ANKHD1: variants seen among roughly 807,000 people sequenced by gnomAD.
The protein encoded by ANKHD1 is ankyrin repeat and KH domain containing 1.
Under a neutral mutation model 230.5 loss-of-function variants are expected in ANKHD1, and 31 were observed. The ratio of observed to expected loss-of-function variants is 0.13; its 90% CI spans 0.10 to 0.18. The LOEUF (loss-of-function observed/expected upper bound fraction) is 0.18. Among genes scored for constraint, ANKHD1 ranks in the 10% least tolerant of loss-of-function variants. The pLI, the probability that ANKHD1 is intolerant of heterozygous loss-of-function variation, is 1.00. For missense variants in ANKHD1, 2,256 were observed against 3,071.3 expected (o/e 0.73, Z 6.27); for synonymous variants, 1,074 against 1,117.6 (o/e 0.96, Z 0.78).
At chr5:140,535,013 C>A (rs1044401248) in intron 29 of ANKHD1, among the ~76,000 whole-genome samples, 16 of 152,148 alleles carry the variant, frequency 1.1e-4, no homozygotes, top group African/African-American at 3.4e-4. Flanking sequence ...TTGTTGGGTG[C>A]TACTTAGTTA....
At chr5:140,520,929 T>TAAA (rs370538341) in intron 24 of ANKHD1, among the ~76,000 whole-genome samples, 5 of 112,846 alleles carry the variant, frequency 4.4e-5, no homozygotes, top group Non-Finnish European at 7.7e-5. Flanking sequence ...TAAAGTATAA[T>TAAA]AAAAAAAAAA....
intron 1 of ANKHD1, among the ~76,000 whole-genome samples, chr5:140,424,177 G>A (rs1212013281): frequency 6.6e-6 from 1 of 151,834 alleles, no homozygotes; most frequent in African/African-American, 2.4e-5. Context: ...TACTTCCACT[G>A]CTTTGGCATC....
intron 5 of ANKHD1, among the ~76,000 whole-genome samples, chr5:140,444,760 C>T (rs977255725): frequency 7.2e-5 from 11 of 152,272 alleles, no homozygotes; most frequent in African/African-American, 2.4e-4. Flanking sequence ...GTTGTACAAT[C>T]TAATTGTAGA....
intron 31 of ANKHD1, chr5:140,537,803 A>G (rs1754148201): frequency 1.1e-6 from 1 of 899,294 alleles, no homozygotes; most frequent in East Asian, 2.9e-5. Flanking sequence ...ATCAGAAACA[A>G]AAGATTCAAA....
In ANKHD1 at chr5:140,525,911, A is replaced by C. The variant is rs552951082; in HGVS notation, c.4493-85A>C. On this transcript the variant is annotated intron_variant, in intron 25 of 33. Coordinates refer to ENST00000360839, the MANE Select transcript of ANKHD1 (RefSeq NM_017747.3). ...AAAATATGATGTAAAACACTGAATT[A>C]TTATGAATTATCAAATATATTCTGT... 1.1e-4 allele frequency: 162 copies of C among 1,431,662 alleles called. 1 individual carries two copies. In the African/African-American group the frequency reaches 2.2e-3, roughly 19 times the overall value. 88.7% of individuals were successfully genotyped at this position (1,431,662 alleles called of 1,614,324 possible). A position where few individuals can be genotyped will look rare whatever the true frequency, so the allele number is the denominator to read the frequency against.
chr5:140,517,497 G>GCACCA (rs1753082588), intron 24 of ANKHD1, among the ~76,000 whole-genome samples: 1 of 144,602 alleles, frequency 6.9e-6, no homozygotes, highest in South Asian at 2.3e-4. Context: ...ATTTTTTTCA[G>GCACCA]CACCACACCA....
At chr5:140,525,791 G>A (rs1326741842) in intron 25 of ANKHD1, among the ~76,000 whole-genome samples, 1 of 149,108 alleles carries the variant, frequency 6.7e-6, no homozygotes, top group Non-Finnish European at 1.5e-5. Context: ...AGCCAATATC[G>A]CACCACTGCA....
chr5:140,443,040 G>A (rs1359670119), intron 5 of ANKHD1, among the ~76,000 whole-genome samples: 2 of 151,702 alleles, frequency 1.3e-5, no homozygotes, highest in Non-Finnish European at 2.9e-5. Context: ...CTAGTAGCTG[G>A]GACTACAGGT....
At chr5:140,459,024 ATATATT>A in intron 8 of ANKHD1, 134 bp from the exon 9 acceptor site, 1 of 159,514 alleles carries the variant, frequency 6.3e-6, no homozygotes, top group Non-Finnish European at 1.2e-5. Flanking sequence ...ATATATATAT[ATATATT>A]GCATTGATGA....
intron 7 of ANKHD1, among the ~76,000 whole-genome samples, chr5:140,450,149 T>C (rs972508908): frequency 2.6e-5 from 4 of 152,118 alleles, no homozygotes; most frequent in African/African-American, 9.7e-5. Context: ...GGCAAGAAAA[T>C]TACCTGGAAG....
intron 24 of ANKHD1, among the ~76,000 whole-genome samples, chr5:140,514,189 A>T (rs1186608711): frequency 4.3e-5 from 4 of 92,276 alleles, no homozygotes; most frequent in African/African-American, 6.8e-5. Context: ...CTCTCTATTA[A>T]AAAAAAAAAA....
chr5:140,430,053 C>G (rs1772912506), intron 1 of ANKHD1, among the ~76,000 whole-genome samples: 1 of 152,212 alleles, frequency 6.6e-6, no homozygotes, highest in South Asian at 2.1e-4. Flanking sequence ...TCCCCCTTCT[C>G]CCTTCTCCTC....
At chr5:140,464,085 A>T (rs1438157624) in intron 9 of ANKHD1, among the ~76,000 whole-genome samples, 1 of 152,074 alleles carries the variant, frequency 6.6e-6, no homozygotes, top group Non-Finnish European at 1.5e-5. Context: ...AAAATACAAA[A>T]ATTAGCCAAG....
intron 14 of ANKHD1, among the ~76,000 whole-genome samples, chr5:140,490,824 T>C (rs571055136): frequency 1.3e-5 from 2 of 152,086 alleles, no homozygotes; most frequent in Non-Finnish European, 2.9e-5. Flanking sequence ...GAGTACTTCA[T>C]TGGATCTTCC....
Position 140,539,576 on chromosome 5 carries a change from C to A in ANKHD1, c.*158C>A. ...TAAGAACAAATTGATTTCCTATCCA[C>A]CTGATTATGTTCTCTGGTTAGTTTA... On this transcript the variant is annotated 3_prime_UTR_variant, in exon 34 of 34. Coordinates refer to ENST00000360839, the MANE Select transcript of ANKHD1 (RefSeq NM_017747.3). 1 of 792,234 alleles carries A rather than the reference C, an allele frequency of 1.3e-6. No individual in the cohort carries two copies. The highest frequency in any genetic ancestry group is 1.9e-6 in the Non-Finnish European group (1 of 517,652). 49.1% of individuals were successfully genotyped at this position (792,234 alleles called of 1,614,324 possible).
Position 140,506,316 on chromosome 5 carries a change from C to T in ANKHD1, c.3408+447C>T, listed in dbSNP as rs115802327. ...GAATGTAAATGCCCTTTTTTTTTGGCGGGGGTTTGTGGAGGGAACAGGAGG... is the reference window on the plus strand; with the variant it reads ...GAATGTAAATGCCCTTTTTTTTTGGTGGGGGTTTGTGGAGGGAACAGGAGG... On this transcript the variant is annotated intron_variant, in intron 18 of 33. Coordinates refer to ENST00000360839, the MANE Select transcript of ANKHD1 (RefSeq NM_017747.3). This position sits in a 1 kb window ranked among gnomAD's most constrained non-coding sequence, Gnocchi z 4.7. Among the ~76,000 whole-genome samples, 130 of 150,334 alleles carry T rather than the reference C, an allele frequency of 8.6e-4. No individual in the cohort carries two copies. Among genetic ancestry groups the T allele is most frequent in the African/African-American group, 3.1e-3 (126 of 40,798 alleles).
chr5:140,472,343 G>A lies in ANKHD1; in HGVS notation c.1782+7567G>A, dbSNP rs778271500. ...GTAAGCTACTACGTAAAGAATAGATGTTGTAGGTAACCAGAACTCTGGATA... is the reference window on the plus strand; with the variant it reads ...GTAAGCTACTACGTAAAGAATAGATATTGTAGGTAACCAGAACTCTGGATA... On this transcript the variant is annotated intron_variant, in intron 10 of 33. Transcript: ENST00000360839. The A allele has an allele frequency of 4.4e-6, 7 of 1,604,722 alleles. No homozygotes were observed. The African/African-American group carries it at 9.4e-5, about 22-fold the overall frequency.
In ANKHD1 at chr5:140,512,916, C is replaced by T. The variant is rs1376430200; in HGVS notation, c.4193C>T (p.Thr1398Ile). 2 of 1,592,374 alleles carry T rather than the reference C, an allele frequency of 1.3e-6. No homozygotes were observed. Among genetic ancestry groups the T allele is most frequent in the Non-Finnish European group, 1.7e-6 (2 of 1,173,096 alleles). ...TGCATGAGATACATAGCAACAATTA[C>T]AGATAAGGTAAGTTTAATATGCTAC... ...IECMRYIATI[T>I]DKELLKKCHQ... The change falls in exon 23 of 34, where the codon ACA becomes ATA. Residue 1398 changes from threonine to isoleucine, a missense_variant. This residue lies in a region of ANKHD1 where 195 missense variants were observed against 340.3 expected (regional missense o/e 0.57). Coordinates refer to ENST00000360839, the MANE Select transcript of ANKHD1 (RefSeq NM_017747.3).
chr5:140,521,523 T>A (rs1296362051), intron 24 of ANKHD1, among the ~76,000 whole-genome samples: 1 of 152,232 alleles, frequency 6.6e-6, no homozygotes, highest in Non-Finnish European at 1.5e-5. Context: ...ATCATTTTTG[T>A]AATAGCTTCT....
Sources: gnomAD v4.1 joint callset for allele counts (sites outside exome capture counted in the v4.1 genomes callset) on GRCh38, gnomAD v4.1.1 for gene constraint, gnomAD v4.1.1 regional missense constraint, Gnocchi (gnomAD v3.1) non-coding constraint, MANE v1.5 for transcripts, NCBI Gene and HGNC (gene_info 2026-07-23, HGNC 2026-07-21) for gene names.